TNRC6B: variants seen among roughly 807,000 people sequenced by gnomAD.
TNRC6B encodes the protein trinucleotide repeat containing adaptor 6B.
A neutral mutation model predicts 203.6 loss-of-function variants in TNRC6B; 52 were observed. The observed-to-expected ratio is 0.26, with a 90% CI of 0.20 to 0.32. TNRC6B has a LOEUF of 0.32. Ranked by LOEUF, TNRC6B falls within the 10% of genes least tolerant of loss-of-function variation. The probability of loss-of-function intolerance (pLI) is 1.00; values close to 1 mark genes in which losing one functional copy is unlikely to be tolerated. For missense variants in TNRC6B, 1,923 were observed against 2,286.2 expected (o/e 0.84, Z 3.24); for synonymous variants, 838 against 845.7 (o/e 0.99, Z 0.16).
chr22:40,270,563 C>T (rs1283911183), intron 6 of TNRC6B, among the ~76,000 whole-genome samples: 1 of 151,986 alleles, frequency 6.6e-6, no homozygotes, highest in African/African-American at 2.4e-5. Context: ...TGTGATCCAC[C>T]CGCCTTGGCC....
At chr22:40,155,747 C>G (rs760959768) in intron 3 of TNRC6B, among the ~76,000 whole-genome samples, 1 of 152,042 alleles carries the variant, frequency 6.6e-6, no homozygotes, top group Non-Finnish European at 1.5e-5. Context: ...ATTTTCTTGA[C>G]TGACATAAGA....
chr22:40,125,951 C>CA, intron 3 of TNRC6B: 1 of 1,291,488 alleles, frequency 7.7e-7, no homozygotes, highest in Non-Finnish European at 1.1e-6. Flanking sequence ...TTTTACATGA[C>CA]TGTAAAAATT....
chr22:40,223,355 G>A (rs1438876139), intron 1 of TNRC6B, among the ~76,000 whole-genome samples: 1 of 151,818 alleles, frequency 6.6e-6, no homozygotes. Flanking sequence ...TGGTCAGGCT[G>A]GACTTGAACT....
At chr22:40,228,414 G>A (rs2069821457) in intron 1 of TNRC6B, among the ~76,000 whole-genome samples, 1 of 151,220 alleles carries the variant, frequency 6.6e-6, no homozygotes, top group Admixed American at 6.6e-5. Flanking sequence ...TGGGCAACAA[G>A]AGCAAAATTC....
At chr22:40,048,688 T>C (rs2146260724) in intron 1 of TNRC6B, among the ~76,000 whole-genome samples, 1 of 152,356 alleles carries the variant, frequency 6.6e-6, no homozygotes, top group South Asian at 2.1e-4. Flanking sequence ...TTTTTATGTG[T>C]GTTTACAGTT....
At chr22:40,291,534 A>G (rs2070869180) in intron 12 of TNRC6B, among the ~76,000 whole-genome samples, 2 of 152,208 alleles carry the variant, frequency 1.3e-5, no homozygotes, top group South Asian at 4.1e-4. Flanking sequence ...GATGCTTTTC[A>G]CATTATTGCA....
At chr22:40,281,565 T>C (rs1481969833) in intron 11 of TNRC6B, among the ~76,000 whole-genome samples, 1 of 151,936 alleles carries the variant, frequency 6.6e-6, no homozygotes, top group Admixed American at 6.6e-5. Context: ...CTAAGGAAAA[T>C]GTTAAAGAGG....
intron 12 of TNRC6B, among the ~76,000 whole-genome samples, chr22:40,286,828 G>A (rs1205278220): frequency 6.6e-6 from 1 of 152,192 alleles, no homozygotes; most frequent in Non-Finnish European, 1.5e-5. Context: ...GCAGGCGTGA[G>A]GATAGAGTAA....
intron 2 of TNRC6B, among the ~76,000 whole-genome samples, chr22:40,120,973 T>C (rs890585296): frequency 6.6e-6 from 1 of 152,174 alleles, no homozygotes; most frequent in Non-Finnish European, 1.5e-5. Flanking sequence ...GGCTGGACTA[T>C]GCAAGCCTGG....
chr22:40,231,898 A>G (rs889524965), intron 1 of TNRC6B, among the ~76,000 whole-genome samples: 5 of 152,178 alleles, frequency 3.3e-5, no homozygotes, highest in Admixed American at 1.3e-4. Flanking sequence ...AACTGTTTCT[A>G]GAGAATATTG....
intron 13 of TNRC6B, 120 bp from the exon 14 acceptor site, chr22:40,300,790 C>A: frequency 8.2e-7 from 1 of 1,216,920 alleles, no homozygotes; most frequent in Non-Finnish European, 1.1e-6. Flanking sequence ...TTTGGTGTTA[C>A]TTCCCTCCTG....
intron 1 of TNRC6B, among the ~76,000 whole-genome samples, chr22:40,073,235 T>G (rs2067970079): frequency 6.6e-6 from 1 of 151,746 alleles, no homozygotes; most frequent in African/African-American, 2.4e-5. Flanking sequence ...GGTGCCTGTT[T>G]CCTAGCTGAG....
chr22:40,260,949 T>G (rs1388594914), intron 3 of TNRC6B, among the ~76,000 whole-genome samples: 2 of 152,184 alleles, frequency 1.3e-5, no homozygotes, highest in African/African-American at 4.8e-5. Flanking sequence ...GAAGTTACTT[T>G]GTTAGAATTG....
chr22:40,138,635 C>T (rs2068620566), intron 3 of TNRC6B, among the ~76,000 whole-genome samples: 1 of 152,124 alleles, frequency 6.6e-6, no homozygotes. Flanking sequence ...CCAGGTAAAA[C>T]TAAATTAGTA....
intron 1 of TNRC6B, among the ~76,000 whole-genome samples, chr22:40,102,325 C>T (rs1450271124): frequency 1.3e-5 from 2 of 152,076 alleles, no homozygotes; most frequent in Non-Finnish European, 2.9e-5. Context: ...ACAGTGAAAG[C>T]CTGCTTATCA....
At chr22:40,102,413 A>G (rs1278174554) in intron 1 of TNRC6B, among the ~76,000 whole-genome samples, 1 of 152,166 alleles carries the variant, frequency 6.6e-6, no homozygotes, top group Non-Finnish European at 1.5e-5. Context: ...TTGGGTTTTT[A>G]AGATATTTAG....
intron 1 of TNRC6B, among the ~76,000 whole-genome samples, chr22:40,062,192 A>T (rs961012419): frequency 4.6e-5 from 7 of 152,052 alleles, no homozygotes; most frequent in Non-Finnish European, 8.8e-5. Flanking sequence ...GTTATTTTTT[A>T]AATTTTACTT....
At chr22:40,063,215 T>G (rs1000557175) in intron 1 of TNRC6B, among the ~76,000 whole-genome samples, 6 of 152,234 alleles carry the variant, frequency 3.9e-5, no homozygotes, top group Admixed American at 1.3e-4. Flanking sequence ...TTGGCAACTT[T>G]CTTGTGAAAT....
At chr22:40,136,691 G>A (rs2068602938) in intron 3 of TNRC6B, among the ~76,000 whole-genome samples, 1 of 151,926 alleles carries the variant, frequency 6.6e-6, no homozygotes, top group Non-Finnish European at 1.5e-5. Flanking sequence ...TTACAGGCAT[G>A]AGCCACCATG....
Sources: gnomAD v4.1 joint callset for allele counts (sites outside exome capture counted in the v4.1 genomes callset) on GRCh38, gnomAD v4.1.1 for gene constraint, MANE v1.5 for transcripts, NCBI Gene and HGNC (gene_info 2026-07-23, HGNC 2026-07-21) for gene names.